Variants in SH3YL1 observed in about 807,000 individuals in gnomAD.
SH3YL1 encodes the protein SH3 and SYLF domain containing 1.
SH3YL1 carries 41 observed loss-of-function variants against 45.8 expected under a neutral mutation model. The ratio of observed to expected loss-of-function variants is 0.89; its 90% CI spans 0.70 to 1.16. SH3YL1 has a LOEUF of 1.16. Ranked by LOEUF, SH3YL1 falls within the 50% of genes most tolerant of loss-of-function variation. The pLI, the probability that SH3YL1 is intolerant of heterozygous loss-of-function variation, is 0.00. For missense variants in SH3YL1, 389 were observed against 409.6 expected, an observed-to-expected ratio of 0.95 and a Z score of 0.43; for synonymous variants, 152 against 151.4, an observed-to-expected ratio of 1.00 and a Z score of -0.03.
rs1184197757 is a variant in SH3YL1, at chr2:242,678, GAATTA to G, written c.291+4855_291+4859del. The stretch of plus-strand genomic sequence containing the variant: ...TATCAATAATCTATTAAATGTGAAT[GAATTA>G]AACAACCAAATAAAAAGGCAGAGAT... On this transcript the variant is annotated intron_variant, in intron 4 of 9. Coordinates refer to ENST00000356150, the MANE Select transcript of SH3YL1 (RefSeq NM_015677.4). 9 of 1,287,814 alleles carry G rather than the reference GAATTA, an allele frequency of 7.0e-6. No homozygotes were observed. In the Admixed American group the frequency reaches 2.8e-4, roughly 40 times the overall value. The allele number at this position is 1,287,814 out of a possible 1,614,324, so 79.8% of individuals were successfully genotyped here. A position where few individuals can be genotyped will look rare whatever the true frequency, so the allele number is the denominator to read the frequency against.
intron 9 of SH3YL1, 84 bp from the exon 10 acceptor site, chr2:219,085 T>G: frequency 8.8e-7 from 1 of 1,136,584 alleles, no homozygotes; most frequent in Non-Finnish European, 1.2e-6. Flanking sequence ...AATTAACCAC[T>G]TAGGGCTTGG....
chr2:241,612 A>G (rs1210252467), intron 4 of SH3YL1: 6 of 152,144 alleles, frequency 3.9e-5, no homozygotes, highest in Admixed American at 3.9e-4. Flanking sequence ...ATTGTAAAAA[A>G]TCTTAAAATG....
intron 9 of SH3YL1, among the ~76,000 whole-genome samples, 163 bp downstream of exon 9, chr2:224,701 T>C (rs1667719211): frequency 6.6e-6 from 1 of 152,250 alleles, no homozygotes; most frequent in Admixed American, 6.5e-5. Context: ...AACAAAAGCA[T>C]AGCATTTTCT....
intron 2 of SH3YL1, among the ~76,000 whole-genome samples, chr2:250,067 T>A (rs1669013454): frequency 6.6e-6 from 1 of 152,238 alleles, no homozygotes; most frequent in African/African-American, 2.4e-5. Context: ...AAACACAACA[T>A]CATAAATATC....
At chr2:257,488 G>A (rs1669393949) in intron 1 of SH3YL1, among the ~76,000 whole-genome samples, 1 of 152,186 alleles carries the variant, frequency 6.6e-6, no homozygotes, top group African/African-American at 2.4e-5. Flanking sequence ...CTTAACTTAG[G>A]AGTATGCATC....
chr2:253,578 G>A (rs907355195), intron 1 of SH3YL1, among the ~76,000 whole-genome samples: 2 of 152,156 alleles, frequency 1.3e-5, no homozygotes, highest in Admixed American at 6.5e-5. Flanking sequence ...TCTCAGTTCC[G>A]GGAATTGCCC....
chr2:263,130 T>C (rs1669657077), intron 1 of SH3YL1: 1 of 156,150 alleles, frequency 6.4e-6, no homozygotes, highest in African/African-American at 2.4e-5. Flanking sequence ...ATTCAGATAT[T>C]CCCTACATCT....
chr2:261,055 C>T (rs1669569182), intron 1 of SH3YL1: 1 of 152,226 alleles, frequency 6.6e-6, no homozygotes, highest in Non-Finnish European at 1.5e-5. Flanking sequence ...GTCAGCTGAA[C>T]TACAGAAAAT....
intron 2 of SH3YL1, 100 bp downstream of exon 2, chr2:252,905 T>C (rs182770306): frequency 6.5e-5 from 45 of 688,290 alleles, no homozygotes; most frequent in East Asian, 5.0e-4. Context: ...CTTGTTGGCA[T>C]TGATGGAGGC....
intron 3 of SH3YL1, 84 bp from the exon 4 acceptor site, chr2:247,686 A>C: frequency 9.9e-7 from 1 of 1,010,018 alleles, no homozygotes; most frequent in Non-Finnish European, 1.5e-6. Flanking sequence ...CTAAAATCTA[A>C]AGAGTGCTTC....
intron 2 of SH3YL1, among the ~76,000 whole-genome samples, chr2:252,661 TAAC>T (rs1669120128): frequency 6.6e-6 from 1 of 152,154 alleles, no homozygotes; most frequent in South Asian, 2.1e-4. Flanking sequence ...ATTCTATCAA[TAAC>T]AAATTTTTAA....
At position 230,055 on chromosome 2, in the gene SH3YL1, C is replaced by G. The variant is rs11689239; in HGVS notation, c.703-11G>C. On this transcript the variant is annotated splice_polypyrimidine_tract_variant and intron_variant, in intron 7 of 9. Coordinates refer to ENST00000356150, the MANE Select transcript of SH3YL1 (RefSeq NM_015677.4). ...AGGTAATTCTTTAGCCTGGGAGAAA[C>G]AAAAAGATAAATACACATAATTTTA... is the stretch of plus-strand genomic sequence containing the variant. 9.8e-4 allele frequency: 1,559 copies of G among 1,585,498 alleles called. 18 individuals carry two copies. The African/African-American group carries it at 0.019, about 19-fold the overall frequency.
At chr2:263,351 A>G (rs931800700) in intron 1 of SH3YL1, 2 of 153,794 alleles carry the variant, frequency 1.3e-5, no homozygotes, top group Non-Finnish European at 2.9e-5. Flanking sequence ...TGGTCAACCG[A>G]TTGAGACCAG....
At chr2:237,859 T>G (rs1042835224) in intron 4 of SH3YL1, among the ~76,000 whole-genome samples, 5 of 152,164 alleles carry the variant, frequency 3.3e-5, no homozygotes, top group Non-Finnish European at 7.4e-5. Context: ...ATAACTCAGA[T>G]GCAAGTGTTT....
At chr2:264,747 G>A (rs1275035568), upstream of SH3YL1, 4 of 526,510 alleles carry the variant, frequency 7.6e-6, no homozygotes, top group Non-Finnish European at 1.3e-5. Context: ...AGTCCCTGCA[G>A]GTGACCCGCG....
chr2:236,016 A>G (rs111162137), intron 4 of SH3YL1, among the ~76,000 whole-genome samples: 616 of 47,388 alleles, frequency 0.013, 4 homozygotes, highest in Non-Finnish European at 0.019. Flanking sequence ...GGGAGGCAGC[A>G]TGGGCCAGGG....
chr2:253,126 A>G lies in SH3YL1; in HGVS notation c.2-11T>C. The G allele has an allele frequency of 7.2e-7, 1 of 1,382,656 alleles. No homozygotes were observed. Among genetic ancestry groups the G allele is most frequent in the Non-Finnish European group, 9.9e-7 (1 of 1,010,684 alleles). The allele number at this position is 1,382,656 out of a possible 1,614,324, so 85.6% of individuals were successfully genotyped here. ...GTATAGGGTTATTCACTGAAACATA[A>G]CAAAAGATATTTTAATGAAAAATTC... On this transcript the variant is annotated splice_polypyrimidine_tract_variant and intron_variant, in intron 1 of 9. Coordinates refer to ENST00000356150, the MANE Select transcript of SH3YL1 (RefSeq NM_015677.4).
In SH3YL1 at chr2:262,600, G is replaced by C. The variant is rs1228319872; in HGVS notation, c.1+1384C>G. 8.4e-6 allele frequency: 11 copies of C among 1,304,092 alleles called. No homozygotes were observed. In the Admixed American group the frequency reaches 1.6e-4, roughly 19 times the overall value. 80.8% of individuals were successfully genotyped at this position (1,304,092 alleles called of 1,614,324 possible). On this transcript the variant is annotated intron_variant, in intron 1 of 9. Transcript: ENST00000356150. ...CTTCATGTGCTTAGGTCTCAGAGCA[G>C]AGAATTTTGTCTTATCATGACGCCA...
At chr2:238,273 G>GTA (rs1668393370) in intron 4 of SH3YL1, among the ~76,000 whole-genome samples, 2 of 149,102 alleles carry the variant, frequency 1.3e-5, no homozygotes, top group Admixed American at 1.3e-4. Flanking sequence ...GTGTGTGTGT[G>GTA]TGTGTGTGTG....
Sources: gnomAD v4.1 joint callset for allele counts (sites outside exome capture counted in the v4.1 genomes callset) on GRCh38, gnomAD v4.1.1 for gene constraint, MANE v1.5 for transcripts, NCBI Gene and HGNC (gene_info 2026-07-23, HGNC 2026-07-21) for gene names.